MAGI1: variants seen among roughly 807,000 people sequenced by gnomAD.
MAGI1 encodes membrane-associated guanylate kinase, WW and PDZ domain-containing protein 1.
MAGI1 carries 58 observed loss-of-function variants against 139.9 expected under a neutral mutation model. That is an observed-to-expected ratio of 0.41 (90% CI 0.34 to 0.52). The LOEUF (loss-of-function observed/expected upper bound fraction) is 0.52. Among genes scored for constraint, MAGI1 ranks in the 20% least tolerant of loss-of-function variants. MAGI1 has a pLI of 0.12. For missense variants in MAGI1, 1,874 were observed against 1,901.6 expected, an observed-to-expected ratio of 0.99 and a Z score of 0.27; for synonymous variants, 812 against 737.9, an observed-to-expected ratio of 1.10 and a Z score of -1.63.
intron 1 of MAGI1, chr3:65,688,289 T>C (rs139803866): frequency 1.2e-6 from 1 of 833,690 alleles, no homozygotes; most frequent in African/African-American, 1.7e-5. Context: ...GGAAGATCCT[T>C]GGCCAGGAGG....
intron 2 of MAGI1, among the ~76,000 whole-genome samples, chr3:65,616,863 T>C (rs968698545): frequency 1.3e-5 from 2 of 152,172 alleles, no homozygotes; most frequent in East Asian, 1.9e-4. Context: ...TGCTGACAAA[T>C]AGGTCTAGTT....
chr3:65,539,168 T>G (rs1313985709), intron 2 of MAGI1, among the ~76,000 whole-genome samples: 1 of 149,992 alleles, frequency 6.7e-6, no homozygotes, highest in Non-Finnish European at 1.5e-5. Flanking sequence ...GGCACACATA[T>G]CAAGTACCAT....
At chr3:65,670,204 T>G in intron 1 of MAGI1, among the ~76,000 whole-genome samples, 1 of 152,088 alleles carries the variant, frequency 6.6e-6, no homozygotes, top group East Asian at 1.9e-4. Flanking sequence ...TTAGTATGAG[T>G]TTCTTGTGGG....
Position 65,937,517 on chromosome 3 carries a change from A to G in MAGI1, c.313+100479T>C, listed in dbSNP as rs73122179. ...GCTGAGAGCACTCCCCTGGTGAAGC[A>G]ATTTGTGGATGATGGTCTGACCACA... On this transcript the variant is annotated intron_variant, in intron 1 of 22. Transcript: ENST00000402939. Among the ~76,000 whole-genome samples, 1,016 of 152,088 alleles carry G rather than the reference A, an allele frequency of 6.7e-3. 7 individuals carry two copies. The highest frequency in any genetic ancestry group is 0.01 in the Non-Finnish European group (694 of 67,980).
At position 65,840,421 on chromosome 3, in the gene MAGI1, T is replaced by A. The variant is rs573806687; in HGVS notation, c.313+197575A>T. ...TTTATGTAGATACTCCATATTGAGT[T>A]TAAAGAAGTTTCCTTCTATTCATAC... On this transcript the variant is annotated intron_variant, in intron 1 of 22. Coordinates refer to ENST00000402939, the MANE Select transcript of MAGI1 (RefSeq NM_001033057.2). Among the ~76,000 whole-genome samples the A allele has an allele frequency of 9.1e-4, 138 of 152,352 alleles. 4 individuals are homozygous for A. In the South Asian group the frequency reaches 0.028, roughly 31 times the overall value.
intron 1 of MAGI1, among the ~76,000 whole-genome samples, chr3:65,639,832 G>A (rs557517906): frequency 2.4e-4 from 37 of 151,948 alleles, no homozygotes; most frequent in South Asian, 6.3e-4. Context: ...GAAAAACCCC[G>A]TCTCTACTAA....
At position 66,038,624 on chromosome 3, in the gene MAGI1, A is replaced by AT. The variant is rs143358407; in HGVS notation, c.-317dup. On this transcript the variant is annotated 5_prime_UTR_variant, in exon 1 of 23. Coordinates refer to ENST00000402939, the MANE Select transcript of MAGI1 (RefSeq NM_001033057.2). The stretch of plus-strand genomic sequence containing the variant: ...GAGTCCACTCTGCGCCGCTCGGGTT[A>AT]TTTTTTTTTCCTTCCTTCCTTTCTC... 1.6e-3 allele frequency: 494 copies of AT among 315,196 alleles called. No individual in the cohort carries two copies. Among genetic ancestry groups the AT allele is most frequent in the Middle Eastern group, 3.5e-3 (4 of 1,142 alleles). The allele number at this position is 315,196 out of a possible 1,614,324, so 19.5% of individuals were successfully genotyped here.
chr3:65,815,753 G>A (rs533450595), intron 1 of MAGI1, among the ~76,000 whole-genome samples: 248 of 152,202 alleles, frequency 1.6e-3, no homozygotes, highest in African/African-American at 5.7e-3. Flanking sequence ...TGTCACCAGT[G>A]ATTCATATAC....
chr3:65,779,410 C>T (rs1310784477), intron 1 of MAGI1, among the ~76,000 whole-genome samples: 1 of 152,244 alleles, frequency 6.6e-6, no homozygotes, highest in Non-Finnish European at 1.5e-5. Context: ...AGATGCCATA[C>T]ACTAAAGCAC....
At chr3:65,567,366 G>A (rs1398336473) in intron 2 of MAGI1, among the ~76,000 whole-genome samples, 2 of 151,384 alleles carry the variant, frequency 1.3e-5, no homozygotes, top group Non-Finnish European at 2.9e-5. Context: ...GACCCCCACT[G>A]ACCATGAAAA....
intron 1 of MAGI1, among the ~76,000 whole-genome samples, chr3:65,708,322 T>C (rs2030748602): frequency 6.6e-6 from 1 of 152,180 alleles, no homozygotes; most frequent in Admixed American, 6.5e-5. Flanking sequence ...TTGGGATAAG[T>C]ATCCTCTGTC....
At chr3:65,598,862 G>A (rs1273113991) in intron 2 of MAGI1, among the ~76,000 whole-genome samples, 1 of 152,158 alleles carries the variant, frequency 6.6e-6, no homozygotes, top group African/African-American at 2.4e-5. Flanking sequence ...CCACCTTAGT[G>A]AGAAAACTTT....
intron 1 of MAGI1, among the ~76,000 whole-genome samples, chr3:65,872,664 C>A (rs1316335657): frequency 1.3e-5 from 2 of 152,048 alleles, no homozygotes; most frequent in Non-Finnish European, 2.9e-5. Context: ...TACAAGCTAC[C>A]CAGATGCATA....
intron 1 of MAGI1, among the ~76,000 whole-genome samples, chr3:65,981,495 T>G (rs1165341780): frequency 6.6e-6 from 1 of 152,176 alleles, no homozygotes; most frequent in Non-Finnish European, 1.5e-5. Context: ...TCTGTAAAAT[T>G]GAGATAATAA....
intron 15 of MAGI1, 56 bp from the exon 16 acceptor site, chr3:65,382,125 T>C: frequency 3.7e-6 from 5 of 1,361,764 alleles, no homozygotes; most frequent in Non-Finnish European, 5.1e-6. Context: ...TACTGTTACA[T>C]CAATAGCCTT....
intron 1 of MAGI1, among the ~76,000 whole-genome samples, chr3:65,642,306 C>A (rs2085023499): frequency 6.6e-6 from 1 of 152,136 alleles, no homozygotes; most frequent in Non-Finnish European, 1.5e-5. Context: ...TGATCAAGCC[C>A]TTCAGTGCTC....
intron 1 of MAGI1, among the ~76,000 whole-genome samples, chr3:65,746,192 C>T (rs1050257517): frequency 2.0e-5 from 3 of 151,994 alleles, no homozygotes; most frequent in African/African-American, 7.2e-5. Context: ...CCTGCCACCA[C>T]GCCTGGCTAA....
chr3:65,525,817 T>C (rs1226994171), intron 2 of MAGI1, among the ~76,000 whole-genome samples: 1 of 152,200 alleles, frequency 6.6e-6, no homozygotes, highest in Non-Finnish European at 1.5e-5. Flanking sequence ...GGTATCACAA[T>C]TGTACAAGTA....
At chr3:65,388,834 ATTTTTTTT>A (rs35579495) in intron 14 of MAGI1, among the ~76,000 whole-genome samples, 8 of 91,940 alleles carry the variant, frequency 8.7e-5, no homozygotes, top group Admixed American at 1.7e-4. Context: ...ACCATTCCGA[ATTTTTTTT>A]TTTTTTTTTT....
Sources: allele counts gnomAD v4.1 joint callset (sites outside exome capture counted in the v4.1 genomes callset), GRCh38; gene constraint gnomAD v4.1.1; transcripts MANE v1.5; gene names NCBI Gene and HGNC (gene_info 2026-07-23, HGNC 2026-07-21).